The following THSD7A variants were observed in gnomAD, a reference collection of about 807,000 sequenced individuals.
THSD7A encodes the protein thrombospondin type-1 domain-containing protein 7A.
THSD7A carries 96 observed loss-of-function variants against 231.3 expected under a neutral mutation model. The ratio of observed to expected loss-of-function variants is 0.41; its 90% confidence interval spans 0.35 to 0.49. The LOEUF (loss-of-function observed/expected upper bound fraction) is 0.49. Ranked by LOEUF, THSD7A falls within the 20% of genes least tolerant of loss-of-function variation. The pLI, the probability that THSD7A is intolerant of heterozygous loss-of-function variation, is 0.05. For synonymous variants in THSD7A, 940 were observed against 743.3 expected (o/e 1.26, Z -4.30); for missense variants, 2,290 against 2,070.2 (o/e 1.11, Z -2.06).
intron 20 of THSD7A, 110 bp downstream of exon 20, chr7:11,407,196 C>A: frequency 7.0e-7 from 1 of 1,427,560 alleles, no homozygotes; most frequent in Non-Finnish European, 9.6e-7. Context: ...CAAAGAAAGA[C>A]AACCAATCCA....
chr7:11,611,563 G>A (rs181563031), intron 2 of THSD7A, among the ~76,000 whole-genome samples: 1 of 151,328 alleles, frequency 6.6e-6, no homozygotes, highest in Non-Finnish European at 1.5e-5. Context: ...TTGATTTAAT[G>A]GTTTGTTAGG....
intron 1 of THSD7A, among the ~76,000 whole-genome samples, chr7:11,712,502 C>T (rs10277255): frequency 0.44 from 66,516 of 150,628 alleles, 15,043 homozygotes; most frequent in African/African-American, 0.53. Context: ...CATTTTGATA[C>T]AGGACAAACA....
chr7:11,697,374 C>T (rs892959683), intron 1 of THSD7A, among the ~76,000 whole-genome samples: 3 of 151,182 alleles, frequency 2.0e-5, no homozygotes, highest in African/African-American at 7.3e-5. Flanking sequence ...ATTTTTAACT[C>T]TGTAATAATT....
chr7:11,696,684 G>C (rs549869250), intron 1 of THSD7A, among the ~76,000 whole-genome samples: 1 of 151,104 alleles, frequency 6.6e-6, no homozygotes, highest in South Asian at 2.1e-4. Context: ...AACTTACAAG[G>C]GACATAAAAC....
intron 6 of THSD7A, among the ~76,000 whole-genome samples, chr7:11,535,200 G>T (rs1034019790): frequency 6.6e-6 from 1 of 152,090 alleles, no homozygotes; most frequent in East Asian, 1.9e-4. Flanking sequence ...AAATTATATA[G>T]AAAATCCTAC....
chr7:11,713,364 G>A (rs980060179), intron 1 of THSD7A, among the ~76,000 whole-genome samples: 2 of 151,150 alleles, frequency 1.3e-5, no homozygotes, highest in Non-Finnish European at 3.0e-5. Context: ...GCTTGGCTAG[G>A]ATATGCCATG....
chr7:11,539,571 G>C (rs73288805), intron 6 of THSD7A, among the ~76,000 whole-genome samples: 11,345 of 152,172 alleles, frequency 0.075, 643 homozygotes, highest in East Asian at 0.18. Flanking sequence ...ACACATCTAA[G>C]TCATACCTCT....
chr7:11,581,298 A>G (rs1184536896), intron 4 of THSD7A, among the ~76,000 whole-genome samples: 1 of 152,026 alleles, frequency 6.6e-6, no homozygotes, highest in Non-Finnish European at 1.5e-5. Context: ...GAGATATTCT[A>G]TTGTTTGTAG....
intron 4 of THSD7A, among the ~76,000 whole-genome samples, chr7:11,569,847 A>G (rs1330888468): frequency 6.6e-6 from 1 of 152,214 alleles, no homozygotes; most frequent in African/African-American, 2.4e-5. Context: ...TCATCCATAC[A>G]AAGAAATGAA....
intron 1 of THSD7A, among the ~76,000 whole-genome samples, chr7:11,641,461 C>T (rs766117180): frequency 7.2e-5 from 11 of 152,024 alleles, no homozygotes; most frequent in Admixed American, 1.3e-4. Context: ...ACAAGAGTTT[C>T]TAAAGTTTGC....
intron 1 of THSD7A, among the ~76,000 whole-genome samples, chr7:11,778,129 C>G (rs1359266211): frequency 8.8e-6 from 1 of 114,084 alleles, no homozygotes; most frequent in East Asian, 2.8e-4. Flanking sequence ...TGCACTCCAG[C>G]CTGGGCGACA....
intron 23 of THSD7A, among the ~76,000 whole-genome samples, chr7:11,392,226 A>C (rs1247783386): frequency 6.6e-6 from 1 of 151,976 alleles, no homozygotes. Flanking sequence ...GCTGGACAGT[A>C]AGTGCAGCCC....
chr7:11,383,944 A>G (rs1027859516), intron 23 of THSD7A: 7 of 151,994 alleles, frequency 4.6e-5, no homozygotes, highest in Non-Finnish European at 1.0e-4. Context: ...ATAAACTAAA[A>G]TAAGATTGCA....
chr7:11,632,507 T>C lies in THSD7A; in HGVS notation c.1022+3623A>G, dbSNP rs17519442. Among the ~76,000 whole-genome samples the C allele has an allele frequency of 0.084, 12,754 of 152,198 alleles. 1,479 individuals are homozygous for C. The highest frequency in any genetic ancestry group is 0.25 in the African/African-American group (10,282 of 41,482). On this transcript the variant is annotated intron_variant, in intron 2 of 27. Transcript: ENST00000423059. This position sits in a 1 kb window ranked among gnomAD's most constrained non-coding sequence, Gnocchi z 4.1. ...TTGATTAGCTGGAGTATTCCAGAAT[T>C]ATCGTAACATCTGAGGGAAAAGGTC...
At chr7:11,742,438 T>G (rs1471910246) in intron 1 of THSD7A, among the ~76,000 whole-genome samples, 1 of 151,894 alleles carries the variant, frequency 6.6e-6, no homozygotes, top group Non-Finnish European at 1.5e-5. Flanking sequence ...AAAGTGATTT[T>G]TTGTTGTTTT....
chr7:11,827,199 A>G (rs113296057), intron 1 of THSD7A, among the ~76,000 whole-genome samples: 3 of 152,224 alleles, frequency 2.0e-5, no homozygotes, highest in African/African-American at 7.2e-5. Context: ...ATAATTTTTA[A>G]TATCTGAAAT....
At position 11,416,512 on chromosome 7, in the gene THSD7A, T is replaced by C. The variant is rs576280400; in HGVS notation, c.3537+938A>G. On this transcript the variant is annotated intron_variant, in intron 17 of 27. Transcript: ENST00000423059. Reference sequence around the variant, plus strand: ...TGAAACAGCTGATTCTTTATTACAGTGTAACTTGCATTCCAATCAACTGCC... The same window carrying C: ...TGAAACAGCTGATTCTTTATTACAGCGTAACTTGCATTCCAATCAACTGCC... Among the ~76,000 whole-genome samples the C allele has an allele frequency of 1.8e-4, 28 of 152,326 alleles. No homozygotes were observed. The South Asian group carries it at 5.6e-3, about 30-fold the overall frequency.
chr7:11,778,358 C>CTCGCCATA (rs1462239805), intron 1 of THSD7A, among the ~76,000 whole-genome samples: 1 of 151,996 alleles, frequency 6.6e-6, no homozygotes, highest in African/African-American at 2.4e-5. Context: ...TTAATTGTTT[C>CTCGCCATA]TCGCCATATA....
intron 1 of THSD7A, among the ~76,000 whole-genome samples, chr7:11,687,368 G>GT (rs1352117620): frequency 1.3e-5 from 2 of 151,894 alleles, no homozygotes; most frequent in Non-Finnish European, 2.9e-5. Flanking sequence ...AGAGATACTG[G>GT]TTTATGTCAT....
Sources: gnomAD v4.1 joint callset for allele counts (sites outside exome capture counted in the v4.1 genomes callset) on GRCh38, gnomAD v4.1.1 for gene constraint, Gnocchi (gnomAD v3.1) non-coding constraint, MANE v1.5 for transcripts, NCBI Gene and HGNC (gene_info 2026-07-23, HGNC 2026-07-21) for gene names.